Variants in KCNAB1 observed in about 807,000 individuals in gnomAD.
KCNAB1 encodes the protein potassium voltage-gated channel subfamily A regulatory beta subunit 1.
In KCNAB1, 35 loss-of-function variants were observed where a neutral mutation model predicts 64.6. That is an observed-to-expected ratio of 0.54 (90% CI 0.41 to 0.72). The LOEUF is 0.72. Ranked by LOEUF, KCNAB1 falls within the 30% of genes least tolerant of loss-of-function variation. The probability of loss-of-function intolerance (pLI) is 0.00; values close to 1 mark genes in which losing one functional copy is unlikely to be tolerated. For synonymous variants in KCNAB1, 177 were observed against 183.8 expected (o/e 0.96, Z 0.30); for missense variants, 401 against 512.9 (o/e 0.78, Z 2.11).
chr3:156,383,544 T>C (rs1479078863), intron 1 of KCNAB1, among the ~76,000 whole-genome samples: 3 of 152,158 alleles, frequency 2.0e-5, no homozygotes, highest in African/African-American at 7.2e-5. Flanking sequence ...TCCTCAGTTC[T>C]GGGCAAACTG....
intron 1 of KCNAB1, among the ~76,000 whole-genome samples, chr3:156,188,419 G>A (rs566633678): frequency 6.6e-6 from 1 of 151,818 alleles, no homozygotes; most frequent in East Asian, 1.9e-4. Context: ...AGCCTGCTTT[G>A]TTAAAAAAAG....
chr3:156,450,880 A>G (rs1711948982), intron 2 of KCNAB1, among the ~76,000 whole-genome samples: 2 of 146,136 alleles, frequency 1.4e-5, no homozygotes, highest in Non-Finnish European at 3.0e-5. Flanking sequence ...CCCAAAAAAA[A>G]GTTATGCTCC....
chr3:156,132,992 A>G (rs956331684), intron 1 of KCNAB1, among the ~76,000 whole-genome samples: 2 of 152,226 alleles, frequency 1.3e-5, no homozygotes, highest in African/African-American at 4.8e-5. Context: ...TATGGTTTGT[A>G]TACAAGAGAC....
intron 1 of KCNAB1, among the ~76,000 whole-genome samples, chr3:156,288,030 C>A (rs1260444009): frequency 6.6e-6 from 1 of 152,170 alleles, no homozygotes; most frequent in Non-Finnish European, 1.5e-5. Flanking sequence ...GCTTAAACAA[C>A]AGAAAATTAT....
In KCNAB1 at chr3:156,184,455, T is replaced by TG. The variant is rs1713064788; in HGVS notation, c.275+63573dup. Among the ~76,000 whole-genome samples, 5 of 152,130 alleles carry TG rather than the reference T, an allele frequency of 3.3e-5. No homozygotes were observed. The South Asian group carries it at 1.0e-3, about 32-fold the overall frequency. Reference sequence around the variant, plus strand: ...GAGCTCTCAGGGCTGGGAGGCAGGCTGGGGAGAATCTCTTAAAGAAGGAGA... The same window carrying TG: ...GAGCTCTCAGGGCTGGGAGGCAGGCTGGGGGAGAATCTCTTAAAGAAGGAGA... On this transcript the variant is annotated intron_variant, in intron 1 of 13. Coordinates refer to ENST00000490337, the MANE Select transcript of KCNAB1 (RefSeq NM_172160.3).
At chr3:156,155,044 A>AT (rs1371516470) in intron 1 of KCNAB1, among the ~76,000 whole-genome samples, 1 of 152,242 alleles carries the variant, frequency 6.6e-6, no homozygotes, top group African/African-American at 2.4e-5. Flanking sequence ...TCCAAAACAT[A>AT]TTCTTATACA....
chr3:156,454,976 G>C (rs1204312885), intron 3 of KCNAB1, among the ~76,000 whole-genome samples: 1 of 152,180 alleles, frequency 6.6e-6, no homozygotes, highest in Non-Finnish European at 1.5e-5. Context: ...CGATAAAGCT[G>C]TCATGAATGG....
At chr3:156,329,751 A>T (rs1723211229) in intron 1 of KCNAB1, among the ~76,000 whole-genome samples, 1 of 152,174 alleles carries the variant, frequency 6.6e-6, no homozygotes, top group East Asian at 1.9e-4. Flanking sequence ...GGACCATCCA[A>T]TAGAAGATGG....
At chr3:156,176,653 T>A in intron 1 of KCNAB1, 1 of 1,040,520 alleles carries the variant, frequency 9.6e-7, no homozygotes, top group Non-Finnish European at 1.5e-6. Context: ...GTCGGTCAAA[T>A]CCTGCAGATG....
chr3:156,452,751 C>A lies in KCNAB1; in HGVS notation c.320-148C>A, dbSNP rs1452098007. ...AAGAAGACAGACTAGACCAACTAGA[C>A]CACAGCCCACATGTGCCCCTCATCC... On this transcript the variant is annotated intron_variant, in intron 2 of 13. Transcript: ENST00000490337. This position sits in a 1 kb window ranked among gnomAD's most constrained non-coding sequence, Gnocchi z 4.6. 6.8e-6 allele frequency: 4 copies of A among 585,246 alleles called. No individual in the cohort carries two copies. In the African/African-American group the frequency reaches 7.6e-5, roughly 11 times the overall value. 36.3% of individuals were successfully genotyped at this position (585,246 alleles called of 1,614,324 possible).
chr3:156,406,070 T>G (rs1714227115), intron 1 of KCNAB1, among the ~76,000 whole-genome samples: 1 of 152,214 alleles, frequency 6.6e-6, no homozygotes, highest in Non-Finnish European at 1.5e-5. Flanking sequence ...TAAAAATGAA[T>G]AGGCTTAATT....
intron 1 of KCNAB1, among the ~76,000 whole-genome samples, chr3:156,173,962 A>C (rs939453097): frequency 6.6e-6 from 1 of 152,230 alleles, no homozygotes; most frequent in Non-Finnish European, 1.5e-5. Flanking sequence ...TTCTGCCCTC[A>C]GACAGTGACA....
At chr3:156,297,276 T>G (rs113405460) in intron 1 of KCNAB1, among the ~76,000 whole-genome samples, 14,841 of 148,408 alleles carry the variant, frequency 0.1, 2,639 homozygotes, top group African/African-American at 0.35. Flanking sequence ...TTTTTTTTTT[T>G]TTTTTTTTTA....
chr3:156,181,295 C>T (rs1411010643), intron 1 of KCNAB1, among the ~76,000 whole-genome samples: 3 of 152,028 alleles, frequency 2.0e-5, no homozygotes, highest in Non-Finnish European at 2.9e-5. Context: ...CGAAACAACA[C>T]GAGACAGAGG....
At chr3:156,405,923 T>G (rs1379002480) in intron 1 of KCNAB1, among the ~76,000 whole-genome samples, 4 of 152,208 alleles carry the variant, frequency 2.6e-5, no homozygotes, top group African/African-American at 7.2e-5. Flanking sequence ...TTATTAAAAG[T>G]AGAATTATCA....
intron 1 of KCNAB1, among the ~76,000 whole-genome samples, chr3:156,300,823 A>T (rs550747473): frequency 6.6e-6 from 1 of 152,312 alleles, no homozygotes; most frequent in East Asian, 1.9e-4. Flanking sequence ...GCCAAATTTG[A>T]TGTATAGGTT....
intron 1 of KCNAB1, among the ~76,000 whole-genome samples, chr3:156,316,362 A>G (rs1227946068): frequency 6.6e-6 from 1 of 152,238 alleles, no homozygotes; most frequent in African/African-American, 2.4e-5. Flanking sequence ...TCTAGAAAGT[A>G]TACCATATTG....
chr3:156,495,189 A>G (rs1177643753), intron 8 of KCNAB1, among the ~76,000 whole-genome samples: 1 of 152,176 alleles, frequency 6.6e-6, no homozygotes, highest in Non-Finnish European at 1.5e-5. Flanking sequence ...ATGTCCCTGC[A>G]AAGAACATGA....
intron 1 of KCNAB1, among the ~76,000 whole-genome samples, chr3:156,164,522 G>A (rs564355428): frequency 6.6e-6 from 1 of 152,178 alleles, no homozygotes; most frequent in South Asian, 2.1e-4. Flanking sequence ...TTGTTTTCCT[G>A]GCAAATAGTG....
Sources: allele counts gnomAD v4.1 joint callset (sites outside exome capture counted in the v4.1 genomes callset), GRCh38; gene constraint gnomAD v4.1.1; non-coding constraint Gnocchi (gnomAD v3.1); transcripts MANE v1.5; gene names NCBI Gene and HGNC (gene_info 2026-07-23, HGNC 2026-07-21).